Variants in DUOX1 observed in about 807,000 individuals in gnomAD.
DUOX1 encodes dual oxidase 1, also known as NADPH thyroid oxidase 1.
A neutral mutation model predicts 181.8 loss-of-function variants in DUOX1; 134 were observed. The observed-to-expected ratio is 0.74, with a 90% confidence interval of 0.64 to 0.85. The LOEUF (loss-of-function observed/expected upper bound fraction) is 0.85. Among genes scored for constraint, DUOX1 ranks in the 40% least tolerant of loss-of-function variants. The pLI is 0.00. For missense variants in DUOX1, 1,814 were observed against 2,064.4 expected (o/e 0.88, Z 2.35); for synonymous variants, 798 against 832.5 (o/e 0.96, Z 0.71).
In DUOX1 at chr15:45,145,099, A is replaced by G; in HGVS notation, c.2322+19A>G. The G allele has an allele frequency of 6.4e-7, 1 of 1,567,926 alleles. No individual in the cohort carries two copies. The highest frequency in any genetic ancestry group is 8.6e-7 in the Non-Finnish European group (1 of 1,157,894). ...CTCCCAGGTGTGTACATGGGACCAG[A>G]TCAATCCTTATGCTGTGGTGGTGTC... On this transcript the variant is annotated intron_variant, in intron 18 of 33. Transcript: ENST00000389037.
intron 10 of DUOX1, chr15:45,138,766 A>T (rs754992034): frequency 2.0e-5 from 7 of 346,018 alleles, no homozygotes; most frequent in Non-Finnish European, 3.7e-5. Flanking sequence ...GTAACAGAGG[A>T]CTAAGACCTA....
intron 9 of DUOX1, among the ~76,000 whole-genome samples, chr15:45,137,439 C>A (rs150632235): frequency 2.4e-4 from 36 of 149,582 alleles, no homozygotes; most frequent in African/African-American, 8.6e-4. Context: ...CAAAGCATGT[C>A]CATTTATATT....
intron 13 of DUOX1, 104 bp downstream of exon 13, chr15:45,141,174 C>G: frequency 1.3e-6 from 2 of 1,564,892 alleles, no homozygotes; most frequent in Non-Finnish European, 1.8e-6. Context: ...CCAAGCCAGC[C>G]CACCACCCAC....
intron 26 of DUOX1, 112 bp from the exon 27 acceptor site, chr15:45,153,839 A>G: frequency 1.0e-6 from 1 of 985,322 alleles, no homozygotes; most frequent in Non-Finnish European, 1.6e-6. Context: ...GTGAGCCAAG[A>G]TCATGCCACT....
At position 45,163,802 on chromosome 15, in the gene DUOX1, C is replaced by G; in HGVS notation, c.4417C>G (p.Arg1473Gly). 1 of 1,614,044 alleles carries G rather than the reference C, an allele frequency of 6.2e-7. No individual in the cohort carries two copies. The highest frequency in any genetic ancestry group is 8.5e-7 in the Non-Finnish European group (1 of 1,179,992). The change falls in exon 33 of 34, where the codon CGG becomes GGG. Residue 1473 changes from arginine (R) to glycine (G), a missense_variant. Coordinates refer to ENST00000389037, the MANE Select transcript of DUOX1 (RefSeq NM_175940.3). ...LRTTMLYICE[R>G]HFQKVLNRSL... ...TTCCCTACCATAGTACATCTGTGAG[C>G]GGCACTTCCAGAAGGTTCTGAACCG...
At chr15:45,143,383 T>G in intron 16 of DUOX1, 80 bp downstream of exon 16, 1 of 1,165,266 alleles carries the variant, frequency 8.6e-7, no homozygotes, top group Non-Finnish European at 1.2e-6. Flanking sequence ...CCCAGCAGCC[T>G]AAGGAAAAGG....
chr15:45,137,724 A>C (rs1003216827), intron 9 of DUOX1, among the ~76,000 whole-genome samples, 200 bp from the exon 10 acceptor site: 2 of 152,022 alleles, frequency 1.3e-5, no homozygotes, highest in African/African-American at 2.4e-5. Context: ...CTATGAGTAC[A>C]TTTTAGATAT....
At chr15:45,142,399 T>C (rs1195444382) in intron 15 of DUOX1, among the ~76,000 whole-genome samples, 2 of 152,118 alleles carry the variant, frequency 1.3e-5, no homozygotes, top group Non-Finnish European at 2.9e-5. Flanking sequence ...GGCCTGAGCC[T>C]AGAGGACTGT....
chr15:45,133,654 C>G (rs1410741785), intron 2 of DUOX1, among the ~76,000 whole-genome samples: 1 of 152,230 alleles, frequency 6.6e-6, no homozygotes, highest in East Asian at 1.9e-4. Flanking sequence ...CCTGCCATGT[C>G]TCCCCCACTG....
rs762476013 is a variant in DUOX1 at position 45,138,064 on chromosome 15, A to ATGTG, written c.1113+60_1113+63dup. 6.1e-4 allele frequency: 623 copies of ATGTG among 1,027,558 alleles called. 2 individuals are homozygous for ATGTG. The highest frequency in any genetic ancestry group is 1.2e-3 in the Admixed American group (56 of 46,766). 63.7% of individuals were successfully genotyped at this position (1,027,558 alleles called of 1,614,324 possible). On this transcript the variant is annotated intron_variant, in intron 10 of 33. Transcript: ENST00000389037. ...GGTGGATGTGTGTGTGTGCATGCTT[A>ATGTG]TGTGTGTGTGTGTATGTGTGTGTGT...
At position 45,136,353 on chromosome 15, in the gene DUOX1, A is replaced by G; in HGVS notation, c.868A>G (p.Ile290Val). The change falls in exon 8 of 34, where the codon ATC becomes GTC. Residue 290 changes from isoleucine to valine, a missense_variant. Coordinates refer to ENST00000389037, the MANE Select transcript of DUOX1 (RefSeq NM_175940.3). ...RKRVIATYQN[I>V]AVYEWLPSFL... ...CTCGCCCCTCTCTGCCCCTCAGAAC[A>G]TCGCTGTGTATGAGTGGCTGCCCAG... is the stretch of plus-strand genomic sequence containing the variant. 1.2e-6 allele frequency: 2 copies of G among 1,613,544 alleles called. No individual in the cohort carries two copies.
chr15:45,131,584 T>C (rs552147095), intron 1 of DUOX1: 1 of 234,380 alleles, frequency 4.3e-6, no homozygotes, highest in African/African-American at 2.4e-5. Context: ...AGCAGGGCCC[T>C]GCCTAAGGAA....
At chr15:45,145,466 C>T (rs1020983862) in intron 18 of DUOX1, among the ~76,000 whole-genome samples, 2 of 152,118 alleles carry the variant, frequency 1.3e-5, no homozygotes, top group African/African-American at 4.8e-5. Flanking sequence ...CTGCCAGAGC[C>T]CTCCATGGGG....
intron 2 of DUOX1, 74 bp downstream of exon 2, chr15:45,132,098 G>A: frequency 7.6e-7 from 1 of 1,315,650 alleles, no homozygotes; most frequent in South Asian, 1.4e-5. Context: ...CCCAAGGACA[G>A]GATCCATTTG....
Position 45,165,083 on chromosome 15 carries a change from GTC to G in DUOX1, c.*185_*186del. 1 of 637,214 alleles carries G rather than the reference GTC, an allele frequency of 1.6e-6. No individual in the cohort carries two copies. Among genetic ancestry groups the G allele is most frequent in the African/African-American group, 1.8e-5 (1 of 54,516 alleles). 39.5% of individuals were successfully genotyped at this position (637,214 alleles called of 1,614,324 possible). A position where few individuals can be genotyped will look rare whatever the true frequency, so the allele number is the denominator to read the frequency against. On this transcript the variant is annotated 3_prime_UTR_variant, in exon 34 of 34. Coordinates refer to ENST00000389037, the MANE Select transcript of DUOX1 (RefSeq NM_175940.3). ...TCAGGGACCCCCAGGACCAGGATGT[GTC>G]TCAGCCTGGAGAAATGGTGGGGGGG...
chr15:45,145,044 C>T lies in DUOX1; in HGVS notation c.2286C>T (p.His762=), dbSNP rs540679709. ...CTGTGACACGGGAGCAGCGGAGGCA[C>T]CTCCTGGAGACCTTTTTCAGGCACC... The part of the protein sequence containing the change: ...RAAVTREQRR[H]LLETFFRHLF... Residue 762 remains histidine, a synonymous_variant, in exon 18 of 34, where the codon CAC becomes CAT. Coordinates refer to ENST00000389037, the MANE Select transcript of DUOX1 (RefSeq NM_175940.3). 1 of 1,611,388 alleles carries T rather than the reference C, an allele frequency of 6.2e-7. No individual in the cohort carries two copies. The highest frequency in any genetic ancestry group is 1.3e-5 in the African/African-American group (1 of 74,758).
Position 45,162,226 on chromosome 15 carries a change from T to G in DUOX1, c.4097T>G (p.Leu1366Arg). Residue 1366 changes from leucine to arginine, a missense_variant, in exon 31 of 34, where the codon CTT becomes CGT. Physicochemically the swap from Leu to Arg is moderately radical, Grantham distance 102. Coordinates refer to ENST00000389037, the MANE Select transcript of DUOX1 (RefSeq NM_175940.3). ...CCACGCCCCTCCCTACAGCTGTACC[T>G]TGATGGACCATTTGGAGAGGGCCAC... is the stretch of plus-strand genomic sequence containing the variant. ...DRCARYPKLYLDGPFGEGHQE... is the reference protein window; with the variant it reads ...DRCARYPKLYRDGPFGEGHQE... 1 of 1,609,202 alleles carries G rather than the reference T, an allele frequency of 6.2e-7. No homozygotes were observed. Among genetic ancestry groups the G allele is most frequent in the Non-Finnish European group, 8.5e-7 (1 of 1,177,228 alleles).
At chr15:45,141,180 C>A (rs1193414529) in intron 13 of DUOX1, 110 bp downstream of exon 13, 9 of 1,561,916 alleles carry the variant, frequency 5.8e-6, no homozygotes, top group Middle Eastern at 2.1e-4. Flanking sequence ...CAGCCCACCA[C>A]CCACTTCCCA....
Position 45,133,920 on chromosome 15 carries a change from C to G in DUOX1, c.115C>G (p.Leu39Val). 4 of 1,613,988 alleles carry G rather than the reference C, an allele frequency of 2.5e-6. No individual in the cohort carries two copies. In the South Asian group the frequency reaches 3.3e-5, roughly 13 times the overall value. Residue 39 changes from leucine to valine, a missense_variant, in exon 3 of 34, where the codon CTC becomes GTC. Transcript: ENST00000389037. Reference sequence around the variant, plus strand: ...GCGATTTGATGGGTGGTACAACAACCTCATGGAGCACAGATGGGGCAGCAA... The same window carrying G: ...GCGATTTGATGGGTGGTACAACAACGTCATGGAGCACAGATGGGGCAGCAA... The part of the protein sequence containing the change: ...VQRFDGWYNN[L>V]MEHRWGSKGS...
Sources: gnomAD v4.1 joint callset for allele counts (sites outside exome capture counted in the v4.1 genomes callset) on GRCh38, gnomAD v4.1.1 for gene constraint, MANE v1.5 for transcripts, NCBI Gene and HGNC (gene_info 2026-07-23, HGNC 2026-07-21) for gene names.